Variants in NAV2 observed in about 807,000 individuals in gnomAD.
The protein encoded by NAV2 is neuron navigator 2.
Under a neutral mutation model 223.2 loss-of-function variants are expected in NAV2, and 54 were observed. The ratio of observed to expected loss-of-function variants is 0.24; its 90% CI spans 0.19 to 0.30. The LOEUF (loss-of-function observed/expected upper bound fraction) is 0.30. Among genes scored for constraint, NAV2 ranks in the 10% least tolerant of loss-of-function variants. The pLI is 1.00. For synonymous variants in NAV2, 1,279 were observed against 1,239.3 expected, an observed-to-expected ratio of 1.03 and a Z score of -0.67; for missense variants, 2,806 against 3,147.5, an observed-to-expected ratio of 0.89 and a Z score of 2.60.
upstream of NAV2, among the ~76,000 whole-genome samples, chr11:19,708,796 CTGCAAG>C (rs2049758355): frequency 6.6e-6 from 1 of 150,464 alleles, no homozygotes; most frequent in Non-Finnish European, 1.5e-5. Flanking sequence ...TTGGGTGATT[CTGCAAG>C]TTCTGAGCCA....
At position 20,118,587 on chromosome 11, in the gene NAV2, G is replaced by GAGA. The variant is rs2063318559; in HGVS notation, c.*330_*331insGAA. ...GTTGAAATGAAAAGAGAGACAGAGA[G>GAGA]AAAAAAAAAAAGAGAACCCACATGA... On this transcript the variant is annotated 3_prime_UTR_variant, in exon 38 of 38. Coordinates refer to ENST00000349880, the MANE Select transcript of NAV2 (RefSeq NM_145117.5). 3.8e-5 allele frequency: 3 copies of GAGA among 79,826 alleles called. No individual in the cohort carries two copies. Among genetic ancestry groups the GAGA allele is most frequent in the East Asian group, 2.9e-4 (1 of 3,406 alleles). 4.9% of individuals were successfully genotyped at this position (79,826 alleles called of 1,614,324 possible).
At chr11:19,899,865 T>C (rs2042298271) in intron 6 of NAV2, among the ~76,000 whole-genome samples, 2 of 152,220 alleles carry the variant, frequency 1.3e-5, no homozygotes, top group Non-Finnish European at 2.9e-5. Flanking sequence ...CACTGTGTTA[T>C]TCAACTCATA....
At chr11:19,778,542 A>T (rs1403080750) in intron 1 of NAV2, among the ~76,000 whole-genome samples, 1 of 152,198 alleles carries the variant, frequency 6.6e-6, no homozygotes, top group African/African-American at 2.4e-5. Context: ...AACAAAAAGA[A>T]AGAAAGAAAA....
In NAV2 at chr11:19,499,977, T is replaced by C. The variant is rs538136438; in HGVS notation, c.75+148950T>C. Among the ~76,000 whole-genome samples the C allele has an allele frequency of 5.9e-5, 9 of 151,690 alleles. No individual in the cohort carries two copies. In the East Asian group the frequency reaches 1.6e-3, roughly 26 times the overall value. ...CAGTGGCCCTGATTCTATATATATA[T>C]ACACACACACACAACCACACACACA... On this transcript the variant is annotated intron_variant, in intron 1 of 37. Transcript: ENST00000360655.
chr11:19,352,083 A>G (rs913316840), intron 1 of NAV2, among the ~76,000 whole-genome samples: 1 of 152,156 alleles, frequency 6.6e-6, no homozygotes, highest in African/African-American at 2.4e-5. Flanking sequence ...TTTTATAAAT[A>G]TTGACTCCAT....
chr11:19,418,169 A>G (rs1413657252), intron 1 of NAV2, among the ~76,000 whole-genome samples: 2 of 152,226 alleles, frequency 1.3e-5, no homozygotes, highest in Non-Finnish European at 2.9e-5. Flanking sequence ...ACTTTCTGGC[A>G]TCAAGATAGT....
At chr11:19,649,629 A>G (rs558525852) in intron 1 of NAV2, among the ~76,000 whole-genome samples, 3 of 152,314 alleles carry the variant, frequency 2.0e-5, no homozygotes, top group African/African-American at 7.2e-5. Flanking sequence ...CTCTGCCTTC[A>G]TGACCTAATC....
chr11:19,905,099 A>G (rs533677780), intron 6 of NAV2, among the ~76,000 whole-genome samples: 93 of 152,278 alleles, frequency 6.1e-4, no homozygotes, highest in Non-Finnish European at 1.2e-3. Context: ...TGAGGGTGCT[A>G]CTTGTACTCT....
At chr11:19,905,607 C>T (rs2042804167) in intron 6 of NAV2, among the ~76,000 whole-genome samples, 1 of 152,142 alleles carries the variant, frequency 6.6e-6, no homozygotes, top group African/African-American at 2.4e-5. Flanking sequence ...AGGCTCTGAC[C>T]TTCAGTAATG....
intron 11 of NAV2, among the ~76,000 whole-genome samples, chr11:20,002,323 T>G (rs1463944879): frequency 6.6e-6 from 1 of 152,148 alleles, no homozygotes; most frequent in Non-Finnish European, 1.5e-5. Context: ...GTGTAAGAGG[T>G]GCTTTGGGGA....
At chr11:19,957,068 A>C (rs531553256) in intron 10 of NAV2, among the ~76,000 whole-genome samples, 1 of 152,286 alleles carries the variant, frequency 6.6e-6, no homozygotes, top group East Asian at 1.9e-4. Context: ...CCAAATATGC[A>C]TTTCTCATTA....
chr11:20,041,666 G>T (rs76434591), intron 12 of NAV2, among the ~76,000 whole-genome samples: 2,762 of 152,264 alleles, frequency 0.018, 85 homozygotes, highest in African/African-American at 0.063. Context: ...GTTCATTGCA[G>T]TATTCCTAGT....
At chr11:19,687,529 C>A (rs2049056712) in intron 1 of NAV2, among the ~76,000 whole-genome samples, 1 of 152,160 alleles carries the variant, frequency 6.6e-6, no homozygotes, top group Non-Finnish European at 1.5e-5. Context: ...CATTATCTCC[C>A]AGGTCCTGTG....
chr11:19,507,828 A>G (rs1485456057), intron 1 of NAV2, among the ~76,000 whole-genome samples: 1 of 152,146 alleles, frequency 6.6e-6, no homozygotes, highest in Non-Finnish European at 1.5e-5. Context: ...CAGTGAGTCC[A>G]TTGTTATCCT....
At chr11:19,798,492 G>C (rs553076127) in intron 1 of NAV2, among the ~76,000 whole-genome samples, 4 of 152,346 alleles carry the variant, frequency 2.6e-5, no homozygotes, top group African/African-American at 9.6e-5. Flanking sequence ...GTGGGGAGGG[G>C]ATGGTTTGTG....
At chr11:19,555,387 C>T (rs2044847203) in intron 1 of NAV2, among the ~76,000 whole-genome samples, 1 of 152,204 alleles carries the variant, frequency 6.6e-6, no homozygotes, top group Admixed American at 6.5e-5. Context: ...CTCTTTCATC[C>T]AGTGCAATTC....
At chr11:19,462,054 C>A (rs1233632648) in intron 1 of NAV2, among the ~76,000 whole-genome samples, 1 of 152,168 alleles carries the variant, frequency 6.6e-6, no homozygotes, top group Non-Finnish European at 1.5e-5. Context: ...CGTCATCCAC[C>A]CGCCATGACC....
At chr11:19,582,506 A>G (rs2045752980) in intron 1 of NAV2, among the ~76,000 whole-genome samples, 1 of 152,200 alleles carries the variant, frequency 6.6e-6, no homozygotes, top group Admixed American at 6.5e-5. Flanking sequence ...TAGGCCTAAC[A>G]TTTAAGTCTT....
At chr11:19,478,999 T>A (rs1330823843) in intron 1 of NAV2, among the ~76,000 whole-genome samples, 1 of 152,204 alleles carries the variant, frequency 6.6e-6, no homozygotes, top group Admixed American at 6.5e-5. Flanking sequence ...GTCGGCGGTC[T>A]GGGCAGATTC....
Sources: gnomAD v4.1 joint callset for allele counts (sites outside exome capture counted in the v4.1 genomes callset) on GRCh38, gnomAD v4.1.1 for gene constraint, MANE v1.5 for transcripts, NCBI Gene and HGNC (gene_info 2026-07-23, HGNC 2026-07-21) for gene names.